Variants in C10orf143 observed in about 807,000 individuals in gnomAD.
C10orf143 encodes uncharacterized protein C10orf143.
At chr10:130,039,990 T>A (rs1385615833) in intron 3 of C10orf143, among the ~76,000 whole-genome samples, 1 of 151,872 alleles carries the variant, frequency 6.6e-6, no homozygotes, top group Non-Finnish European at 1.5e-5. Flanking sequence ...CAGTGGGAGG[T>A]CTGGAAGCTC....
At chr10:130,092,302 A>G (rs188702399) in intron 1 of C10orf143, among the ~76,000 whole-genome samples, 177 of 152,348 alleles carry the variant, frequency 1.2e-3, no homozygotes, top group South Asian at 2.1e-3. Flanking sequence ...AGAATTTCAT[A>G]TTCAGCCAAA....
chr10:130,042,595 C>T (rs762261786), intron 3 of C10orf143, among the ~76,000 whole-genome samples: 3 of 152,234 alleles, frequency 2.0e-5, no homozygotes, highest in Non-Finnish European at 2.9e-5. Flanking sequence ...CCCCTCCTCG[C>T]GGGCATCACT....
intron 3 of C10orf143, among the ~76,000 whole-genome samples, chr10:130,041,111 G>A (rs1590000866): frequency 1.3e-5 from 2 of 152,346 alleles, no homozygotes; most frequent in African/African-American, 2.4e-5. Context: ...GGTTGAATCC[G>A]TTCTACTTCT....
intron 3 of C10orf143, among the ~76,000 whole-genome samples, chr10:130,072,512 T>G (rs1034214853): frequency 3.9e-5 from 6 of 152,346 alleles, no homozygotes; most frequent in African/African-American, 1.4e-4. Context: ...ATTCTGTCTT[T>G]AACTGTGTCT....
At chr10:130,045,413 G>C (rs1860655374) in intron 3 of C10orf143, among the ~76,000 whole-genome samples, 1 of 152,190 alleles carries the variant, frequency 6.6e-6, no homozygotes. Context: ...GAAACTAGCA[G>C]GTGACGAACC....
downstream of C10orf143, among the ~76,000 whole-genome samples, chr10:130,058,911 T>G (rs1860824809): frequency 6.6e-6 from 1 of 152,140 alleles, no homozygotes; most frequent in Admixed American, 6.5e-5. Context: ...CTCTTCTGCA[T>G]GTGTGTTATA....
At chr10:130,079,929 T>A in intron 1 of C10orf143, 28 bp from the exon 2 acceptor site, 1 of 398,652 alleles carries the variant, frequency 2.5e-6, no homozygotes, top group Non-Finnish European at 4.4e-6. Context: ...TTACTTTAGA[T>A]GGTCTCATAA....
intron 1 of C10orf143, among the ~76,000 whole-genome samples, chr10:130,099,863 G>A (rs1242733524): frequency 1.2e-4 from 2 of 16,706 alleles, no homozygotes; most frequent in Admixed American, 7.7e-4. Context: ...TTTTTAAGAT[G>A]GACTCTCACT....
chr10:130,057,242 ATTTAAACCGTTT>A (rs1188332655), intron 3 of C10orf143, among the ~76,000 whole-genome samples: 1 of 152,154 alleles, frequency 6.6e-6, no homozygotes, highest in Non-Finnish European at 1.5e-5. Context: ...AAAATTCACC[ATTTAAACCGTTT>A]TTAAGTGTGT....
At chr10:130,107,329 C>T (rs1861668627) in intron 1 of C10orf143, 1 of 1,058,954 alleles carries the variant, frequency 9.4e-7, no homozygotes, top group African/African-American at 1.6e-5. Flanking sequence ...AGCTGGAGAC[C>T]TACAGACAGC....
chr10:130,047,438 C>T (rs750465402), intron 3 of C10orf143, among the ~76,000 whole-genome samples: 5 of 152,300 alleles, frequency 3.3e-5, no homozygotes, highest in East Asian at 1.9e-4. Context: ...AGCGGGGCTG[C>T]GTACTTGGTA....
At chr10:130,050,466 G>A (rs1860724484) in intron 3 of C10orf143, among the ~76,000 whole-genome samples, 3 of 152,208 alleles carry the variant, frequency 2.0e-5, no homozygotes. Context: ...CAAAGCTGCA[G>A]TGAGCCCTGG....
At chr10:130,061,128 A>C (rs943638170), downstream of C10orf143, among the ~76,000 whole-genome samples, 2 of 152,180 alleles carry the variant, frequency 1.3e-5, no homozygotes, top group Non-Finnish European at 2.9e-5. Flanking sequence ...CAGGAGTGGG[A>C]CCTTGTCTCA....
At chr10:130,043,996 GGAGA>G (rs139473238) in intron 3 of C10orf143, among the ~76,000 whole-genome samples, 101 of 149,412 alleles carry the variant, frequency 6.8e-4, no homozygotes, top group Middle Eastern at 3.4e-3. Context: ...ACCATGGCAG[GGAGA>G]GAGAGAGAGA....
intron 3 of C10orf143, among the ~76,000 whole-genome samples, chr10:130,073,840 G>T (rs1861071427): frequency 6.6e-6 from 1 of 152,104 alleles, no homozygotes; most frequent in African/African-American, 2.4e-5. Context: ...TCCAGAGAAA[G>T]TACTCACTGT....
chr10:130,050,704 A>G (rs961533455), intron 3 of C10orf143, among the ~76,000 whole-genome samples: 1 of 152,222 alleles, frequency 6.6e-6, no homozygotes, highest in African/African-American at 2.4e-5. Flanking sequence ...CACATAAACA[A>G]AGAAGCATGC....
At chr10:130,038,942 G>C (rs1860575254) in intron 3 of C10orf143, among the ~76,000 whole-genome samples, 1 of 152,176 alleles carries the variant, frequency 6.6e-6, no homozygotes. Context: ...GGAGGACGCA[G>C]GGAGGGGCTT....
chr10:130,094,658 C>T (rs1328525262), intron 1 of C10orf143, among the ~76,000 whole-genome samples: 1 of 152,120 alleles, frequency 6.6e-6, no homozygotes, highest in Non-Finnish European at 1.5e-5. Flanking sequence ...CAGAAAGGGC[C>T]TCTGATAAAA....
chr10:130,103,212 A>C (rs2134812526), intron 1 of C10orf143, among the ~76,000 whole-genome samples: 1 of 152,264 alleles, frequency 6.6e-6, no homozygotes, highest in South Asian at 2.1e-4. Flanking sequence ...TCCTGACCTC[A>C]AGTGATCTGC....
Sources: allele counts gnomAD v4.1 joint callset (sites outside exome capture counted in the v4.1 genomes callset), GRCh38; gene constraint gnomAD v4.1.1; transcripts MANE v1.5; gene names NCBI Gene and HGNC (gene_info 2026-07-23, HGNC 2026-07-21).